The following CFAP54 variants were observed in gnomAD, a reference collection of about 807,000 sequenced individuals.
The protein encoded by CFAP54 is cilia and flagella associated protein 54.
In CFAP54, 290 loss-of-function variants were observed where a neutral mutation model predicts 370.4. That is an observed-to-expected ratio of 0.78 (90% CI 0.71 to 0.86). CFAP54 has a LOEUF of 0.86. Ranked by LOEUF, CFAP54 falls within the 40% of genes least tolerant of loss-of-function variation. CFAP54 has a pLI of 0.00. For missense variants in CFAP54, 3,399 were observed against 3,528.7 expected (o/e 0.96, Z 0.93); for synonymous variants, 1,206 against 1,236.5 (o/e 0.98, Z 0.52).
intron 66 of CFAP54, among the ~76,000 whole-genome samples, chr12:96,835,624 G>A (rs1959183645): frequency 6.6e-6 from 1 of 152,320 alleles, no homozygotes; most frequent in South Asian, 2.1e-4. Context: ...GGCAGTGGGA[G>A]CAGGCACTTC....
chr12:96,499,089 C>A (rs939809419), intron 1 of CFAP54, among the ~76,000 whole-genome samples: 1 of 152,132 alleles, frequency 6.6e-6, no homozygotes, highest in East Asian at 1.9e-4. Context: ...AATGATTCTC[C>A]TCCTGAGTAG....
At chr12:96,770,090 T>C (rs2136677410) in intron 60 of CFAP54, among the ~76,000 whole-genome samples, 1 of 152,238 alleles carries the variant, frequency 6.6e-6, no homozygotes, top group Middle Eastern at 3.4e-3. Context: ...TTCCCCATAG[T>C]AGGGGAACTG....
chr12:96,769,933 C>G (rs73383003), intron 60 of CFAP54, among the ~76,000 whole-genome samples: 1 of 152,284 alleles, frequency 6.6e-6, no homozygotes, highest in East Asian at 1.9e-4. Context: ...ACAGAGCAAA[C>G]CTTCCAGCCT....
At position 96,633,937 on chromosome 12, in the gene CFAP54, A is replaced by G. The variant is rs1956635581; in HGVS notation, c.4316+3286A>G. ...GATCTAGTTTCTACTCATGCTTTCC[A>G]GCATTGAGTATTATTACTGGTTTTT... On this transcript the variant is annotated intron_variant, in intron 32 of 67. Coordinates refer to ENST00000524981, the MANE Select transcript of CFAP54 (RefSeq NM_001306084.2). Among the ~76,000 whole-genome samples, 3 of 151,780 alleles carry G rather than the reference A, an allele frequency of 2.0e-5. 1 individual carries two copies. The South Asian group carries it at 6.2e-4, about 32-fold the overall frequency.
chr12:96,790,303 T>A (rs1958676268), intron 62 of CFAP54, among the ~76,000 whole-genome samples: 1 of 151,898 alleles, frequency 6.6e-6, no homozygotes. Flanking sequence ...ACCAAGGTTC[T>A]CCTGGTAGGC....
At chr12:96,767,960 A>G (rs1958416591) in intron 60 of CFAP54, among the ~76,000 whole-genome samples, 1 of 152,122 alleles carries the variant, frequency 6.6e-6, no homozygotes, top group Non-Finnish European at 1.5e-5. Flanking sequence ...TCAAGGAAGC[A>G]GGTCTTACCT....
At chr12:96,587,266 T>C (rs1433713093) in intron 22 of CFAP54, among the ~76,000 whole-genome samples, 3 of 151,884 alleles carry the variant, frequency 2.0e-5, no homozygotes, top group Non-Finnish European at 4.4e-5. Flanking sequence ...ACTATAGGAC[T>C]AGGTGGTATC....
At position 96,580,660 on chromosome 12, in the gene CFAP54, A is replaced by G. The variant is rs1025131833; in HGVS notation, c.2860A>G (p.Asn954Asp). The change falls in exon 21 of 68, where the codon AAT (asparagine) becomes GAT (aspartate). Residue 954 changes from asparagine to aspartate, a missense_variant. Physicochemically the swap from Asn to Asp is conservative, Grantham distance 23. Around this residue, in one of 3 missense-constraint regions of CFAP54, gnomAD observed 2,796 missense variants for 2,869.7 expected, o/e 0.97. Transcript: ENST00000524981. ...AAGTTATGGAAAAGTACGGCTAAAC[A>G]ATAATCATCTCCCAAATTCAGGAGA... ...EGSYGKVRLN[N>D]NHLPNSGEAI... is the part of the protein sequence containing the mutation. The G allele has an allele frequency of 2.0e-6, 3 of 1,527,766 alleles. No homozygotes were observed. The highest frequency in any genetic ancestry group is 2.6e-6 in the Non-Finnish European group (3 of 1,142,344). 94.6% of individuals were successfully genotyped at this position (1,527,766 alleles called of 1,614,324 possible).
intron 39 of CFAP54, among the ~76,000 whole-genome samples, chr12:96,666,745 C>T (rs1957085996): frequency 6.6e-6 from 1 of 152,182 alleles, no homozygotes; most frequent in Non-Finnish European, 1.5e-5. Context: ...GGGGATACAG[C>T]CAAACCATAT....
chr12:96,630,552 G>A lies in CFAP54; in HGVS notation c.4217G>A (p.Ser1406Asn). The A allele has an allele frequency of 7.0e-7, 1 of 1,420,222 alleles. No homozygotes were observed. The highest frequency in any genetic ancestry group is 9.3e-7 in the Non-Finnish European group (1 of 1,069,626). The allele number at this position is 1,420,222 out of a possible 1,614,324, so 88.0% of individuals were successfully genotyped here. ...TAACATTTTATCTCCTCTATTAAGA[G>A]TGCAGAAATGCAACAAAGAATAAGA... ...FKAAVMEIGR[S>N]AEMQQRIRSK... The change falls in exon 32 of 68, where the codon AGT becomes AAT. Residue 1406 changes from serine (S) to asparagine (N), a missense_variant and splice_region_variant. Physicochemically the swap from Ser to Asn is conservative, Grantham distance 46. This residue lies in a region of CFAP54 where 2,796 missense variants were observed against 2,869.7 expected (regional missense o/e 0.97). Transcript: ENST00000524981.
At chr12:96,507,522 C>T (rs1404185359) in intron 4 of CFAP54, among the ~76,000 whole-genome samples, 2 of 107,366 alleles carry the variant, frequency 1.9e-5, no homozygotes, top group Non-Finnish European at 3.7e-5. Flanking sequence ...CTGAGGAACA[C>T]ACACACACAC....
intron 67 of CFAP54, among the ~76,000 whole-genome samples, chr12:96,873,618 T>C (rs1017138426): frequency 6.6e-6 from 1 of 152,210 alleles, no homozygotes; most frequent in African/African-American, 2.4e-5. Context: ...TTCAAACTTT[T>C]TCTATAAAGG....
intron 39 of CFAP54, among the ~76,000 whole-genome samples, chr12:96,676,630 C>T (rs954447141): frequency 6.6e-6 from 1 of 151,942 alleles, no homozygotes; most frequent in Admixed American, 6.6e-5. Flanking sequence ...ACTGCAACCT[C>T]CACCTCTGGG....
At chr12:96,828,592 C>A (rs188211070) in intron 65 of CFAP54, among the ~76,000 whole-genome samples, 1 of 152,114 alleles carries the variant, frequency 6.6e-6, no homozygotes, top group Non-Finnish European at 1.5e-5. Context: ...GGTGTCCACA[C>A]ATGAACATGG....
chr12:96,837,778 GC>G (rs2136770183), intron 66 of CFAP54, among the ~76,000 whole-genome samples: 1 of 152,288 alleles, frequency 6.6e-6, no homozygotes, highest in East Asian at 1.9e-4. Context: ...CTTTGTACCA[GC>G]CATTGGGCTA....
intron 25 of CFAP54, 106 bp from the exon 26 acceptor site, chr12:96,598,539 C>A (rs1487219021): frequency 2.3e-6 from 1 of 427,096 alleles, no homozygotes; most frequent in African/African-American, 2.0e-5. Flanking sequence ...TTATTGATAA[C>A]AAAATTTTAT....
chr12:96,859,471 T>C (rs1488352701), intron 66 of CFAP54, among the ~76,000 whole-genome samples: 1 of 152,130 alleles, frequency 6.6e-6, no homozygotes, highest in Non-Finnish European at 1.5e-5. Flanking sequence ...AATGGCATGA[T>C]CTTGGCTTGC....
chr12:96,627,928 A>G (rs1956564564), intron 30 of CFAP54, among the ~76,000 whole-genome samples: 1 of 152,364 alleles, frequency 6.6e-6, no homozygotes, highest in Non-Finnish European at 1.5e-5. Flanking sequence ...GAAGAGGAGT[A>G]TAAGATTATA....
chr12:96,554,391 G>C, intron 16 of CFAP54, 81 bp downstream of exon 16: 1 of 1,411,288 alleles, frequency 7.1e-7, no homozygotes, highest in Non-Finnish European at 9.2e-7. Context: ...GGTAAGTAAA[G>C]CATGACTTGT....
Sources: allele counts gnomAD v4.1 joint callset (sites outside exome capture counted in the v4.1 genomes callset), GRCh38; gene constraint gnomAD v4.1.1; regional missense constraint gnomAD v4.1.1; transcripts MANE v1.5; gene names NCBI Gene and HGNC (gene_info 2026-07-23, HGNC 2026-07-21).